SNX29: variants seen among roughly 807,000 people sequenced by gnomAD.
SNX29 encodes the protein sorting nexin 29.
In SNX29, 78 loss-of-function variants were observed where a neutral mutation model predicts 102.1. The ratio of observed to expected loss-of-function variants is 0.76; its 90% CI spans 0.64 to 0.92. SNX29 has a LOEUF of 0.92. SNX29 is among the 40% of genes least tolerant of loss of function. The pLI is 0.00. For synonymous variants in SNX29, 580 were observed against 414.5 expected, an observed-to-expected ratio of 1.40 and a Z score of -4.85; for missense variants, 1,280 against 1,061.7, an observed-to-expected ratio of 1.21 and a Z score of -2.86.
chr16:12,339,677 C>T lies in SNX29; in HGVS notation c.1783-16486C>T, dbSNP rs139278005. Among the ~76,000 whole-genome samples the T allele has an allele frequency of 1.3e-4, 20 of 152,326 alleles. 1 individual carries two copies. In the East Asian group the frequency reaches 2.9e-3, roughly 22 times the overall value. ...GTCTTCATTCTTAGGAAGGCTTTCTCTATATGTGATGGATCCTAGCAGCTC... is the reference window on the plus strand; with the variant it reads ...GTCTTCATTCTTAGGAAGGCTTTCTTTATATGTGATGGATCCTAGCAGCTC... On this transcript the variant is annotated intron_variant, in intron 15 of 20. Transcript: ENST00000566228.
chr16:12,129,407 C>T (rs1596994936), intron 12 of SNX29, among the ~76,000 whole-genome samples: 1 of 152,344 alleles, frequency 6.6e-6, no homozygotes, highest in African/African-American at 2.4e-5. Context: ...CAATCAGGGA[C>T]ATGGAGCCCA....
At chr16:12,322,809 C>T (rs931787364) in intron 15 of SNX29, among the ~76,000 whole-genome samples, 2 of 62,890 alleles carry the variant, frequency 3.2e-5, no homozygotes, top group Non-Finnish European at 4.2e-5. Context: ...AGGATATGGT[C>T]ACTGGAATCA....
In SNX29 at chr16:12,569,225, C is replaced by T. The variant is rs1036415904; in HGVS notation, c.*596C>T. 21 of 222,636 alleles carry T rather than the reference C, an allele frequency of 9.4e-5. No homozygotes were observed. The East Asian group carries it at 1.3e-3, about 13-fold the overall frequency. The allele number at this position is 222,636 out of a possible 1,614,324, so 13.8% of individuals were successfully genotyped here. On this transcript the variant is annotated 3_prime_UTR_variant, in exon 21 of 21. Transcript: ENST00000566228. Reference sequence around the variant, plus strand: ...CAGCTCACTTTTCCAGAGGGATATTCCTGTGGCTTTGGCAAGGAGCCATTA... The same window carrying T: ...CAGCTCACTTTTCCAGAGGGATATTTCTGTGGCTTTGGCAAGGAGCCATTA...
At chr16:12,199,803 G>A (rs1567304053) in intron 14 of SNX29, 120 bp downstream of exon 14, 16 of 794,176 alleles carry the variant, frequency 2.0e-5, no homozygotes, top group Non-Finnish European at 3.3e-5. Flanking sequence ...TAGAATAATG[G>A]TGCTGCTCAG....
At chr16:12,389,850 C>A (rs1165507332) in intron 16 of SNX29, among the ~76,000 whole-genome samples, 1 of 152,176 alleles carries the variant, frequency 6.6e-6, no homozygotes, top group African/African-American at 2.4e-5. Context: ...AAGTCTGCAG[C>A]CCAGGGACCC....
chr16:12,003,657 C>A (rs746173699), intron 3 of SNX29, among the ~76,000 whole-genome samples: 12 of 152,280 alleles, frequency 7.9e-5, no homozygotes, highest in Non-Finnish European at 1.8e-4. Context: ...ATATTGCTTT[C>A]TAGTATTTTT....
At chr16:12,376,345 C>T (rs998835445) in intron 16 of SNX29, among the ~76,000 whole-genome samples, 6 of 152,182 alleles carry the variant, frequency 3.9e-5, no homozygotes, top group South Asian at 2.1e-4. Flanking sequence ...GTCTTACAAC[C>T]GTGTTTGCAC....
At chr16:12,441,740 A>T (rs1185233937) in intron 18 of SNX29, among the ~76,000 whole-genome samples, 1 of 152,116 alleles carries the variant, frequency 6.6e-6, no homozygotes, top group Non-Finnish European at 1.5e-5. Context: ...TTCTTCTGAG[A>T]GTTTTATAGT....
At chr16:12,431,322 C>G (rs59882177) in intron 18 of SNX29, among the ~76,000 whole-genome samples, 10,575 of 152,068 alleles carry the variant, frequency 0.07, 887 homozygotes, top group African/African-American at 0.2. Flanking sequence ...TGAGAACATC[C>G]CTCCAATTAA....
At chr16:12,461,839 C>T (rs913448936) in intron 18 of SNX29, among the ~76,000 whole-genome samples, 1 of 149,120 alleles carries the variant, frequency 6.7e-6, no homozygotes, top group African/African-American at 2.5e-5. Context: ...GCCTGTAATC[C>T]CAGCTACTGT....
intron 16 of SNX29, chr16:12,372,694 G>C (rs2082727385): frequency 6.6e-6 from 1 of 152,186 alleles, no homozygotes; most frequent in African/African-American, 2.4e-5. Flanking sequence ...GTCATGGAAG[G>C]TTTCAAAGAG....
chr16:12,082,510 C>T (rs1359749486), intron 11 of SNX29, among the ~76,000 whole-genome samples: 1 of 151,194 alleles, frequency 6.6e-6, no homozygotes, highest in Non-Finnish European at 1.5e-5. Flanking sequence ...TAAACATGCT[C>T]GAGTTAGGCC....
rs1051842836 is a variant in SNX29 at position 12,573,968 on chromosome 16, C to G, written c.*5339C>G. 3 of 199,328 alleles carry G rather than the reference C, an allele frequency of 1.5e-5. No homozygotes were observed. Among genetic ancestry groups the G allele is most frequent in the African/African-American group, 2.3e-5 (1 of 43,482 alleles). 12.3% of individuals were successfully genotyped at this position (199,328 alleles called of 1,614,324 possible). On this transcript the variant is annotated 3_prime_UTR_variant, in exon 21 of 21. Coordinates refer to ENST00000566228, the MANE Select transcript of SNX29 (RefSeq NM_032167.5). Reference sequence around the variant, plus strand: ...GAATGGAGGAGCGATGGTAACCCCACTAGGGGGCGCCCATGATCGGCTCCC... The same window carrying G: ...GAATGGAGGAGCGATGGTAACCCCAGTAGGGGGCGCCCATGATCGGCTCCC...
At chr16:12,534,878 A>C (rs1268224000) in intron 20 of SNX29, among the ~76,000 whole-genome samples, 1 of 152,180 alleles carries the variant, frequency 6.6e-6, no homozygotes, top group African/African-American at 2.4e-5. Flanking sequence ...GGACAGTGCC[A>C]CGAGAATCTA....
chr16:12,345,937 T>C (rs2081787140), intron 15 of SNX29, among the ~76,000 whole-genome samples: 1 of 152,162 alleles, frequency 6.6e-6, no homozygotes, highest in Admixed American at 6.5e-5. Context: ...AGAATGCACC[T>C]CTGTGTGCCC....
intron 4 of SNX29, among the ~76,000 whole-genome samples, chr16:12,036,581 G>A (rs1350035591): frequency 1.3e-5 from 2 of 152,124 alleles, no homozygotes; most frequent in Admixed American, 1.3e-4. Context: ...TGATCCACCT[G>A]CCTCGGCCTC....
At chr16:11,986,130 G>C (rs1353134120) in intron 1 of SNX29, among the ~76,000 whole-genome samples, 1 of 151,994 alleles carries the variant, frequency 6.6e-6, no homozygotes, top group Non-Finnish European at 1.5e-5. Context: ...TGAGGTGGGA[G>C]AGCCAGTAGG....
At chr16:12,170,885 C>T (rs937904193) in intron 13 of SNX29, among the ~76,000 whole-genome samples, 3 of 151,668 alleles carry the variant, frequency 2.0e-5, no homozygotes, top group Non-Finnish European at 2.9e-5. Context: ...GTTTACAGGG[C>T]CTCCGAGACA....
chr16:12,421,402 C>G (rs2084865376), intron 18 of SNX29, among the ~76,000 whole-genome samples: 2 of 152,138 alleles, frequency 1.3e-5, no homozygotes, highest in Admixed American at 1.3e-4. Flanking sequence ...GGCTTCAGTT[C>G]CCCAGGCTCT....
Sources: allele counts gnomAD v4.1 joint callset (sites outside exome capture counted in the v4.1 genomes callset), GRCh38; gene constraint gnomAD v4.1.1; transcripts MANE v1.5; gene names NCBI Gene and HGNC (gene_info 2026-07-23, HGNC 2026-07-21).